The following ZNF202 variants were observed in gnomAD, a reference collection of about 807,000 sequenced individuals.
ZNF202 encodes the protein zinc finger protein with KRAB and SCAN domains 10.
A neutral mutation model predicts 54.5 loss-of-function variants in ZNF202; 22 were observed. The ratio of observed to expected loss-of-function variants is 0.40; its 90% CI spans 0.29 to 0.58. The LOEUF (loss-of-function observed/expected upper bound fraction) is 0.58. Among genes scored for constraint, ZNF202 ranks in the 20% least tolerant of loss-of-function variants. ZNF202 has a pLI of 0.39. For missense variants in ZNF202, 644 were observed against 805.5 expected (o/e 0.80, Z 2.43); for synonymous variants, 294 against 301.4 (o/e 0.98, Z 0.26).
chr11:123,729,944 G>A (rs1399034327), intron 4 of ZNF202, 119 bp from the exon 5 acceptor site: 14 of 1,050,300 alleles, frequency 1.3e-5, no homozygotes, highest in Middle Eastern at 2.7e-4. Context: ...CCCAGACAAG[G>A]AGGGGAAACT....
At chr11:123,732,312 T>C (rs1650035006) in intron 3 of ZNF202, among the ~76,000 whole-genome samples, 1 of 152,204 alleles carries the variant, frequency 6.6e-6, no homozygotes, top group African/African-American at 2.4e-5. Context: ...CCCGCTGTCT[T>C]GTTAAGTGAA....
chr11:123,739,699 T>C (rs1165253692), intron 3 of ZNF202, among the ~76,000 whole-genome samples: 2 of 152,180 alleles, frequency 1.3e-5, no homozygotes, highest in East Asian at 1.9e-4. Flanking sequence ...AGATTACTAG[T>C]TTCCAACACA....
chr11:123,726,696 C>G lies in ZNF202; in HGVS notation c.1248G>C (p.Leu416=). The change falls in exon 9 of 9, where the codon CTG becomes CTC. Residue 416 remains leucine, a synonymous_variant. Transcript: ENST00000530393. The surrounding 1 kb of genome is among the most constrained non-coding windows in gnomAD (Gnocchi z 6.0). The part of the protein sequence containing the change: ...FTCNSHLVRH[L]RTHTGEKPYK... ...AGGGTTTCTCTCCTGTGTGAGTCCT[C>G]AGGTGTCTAACAAGGTGGGAGTTAC... The G allele has an allele frequency of 6.2e-7, 1 of 1,614,220 alleles. No individual in the cohort carries two copies. Among genetic ancestry groups the G allele is most frequent in the Non-Finnish European group, 8.5e-7 (1 of 1,180,054 alleles).
chr11:123,740,319 C>G (rs1354783903), intron 2 of ZNF202, 98 bp downstream of exon 2: 1 of 152,266 alleles, frequency 6.6e-6, no homozygotes, highest in Admixed American at 6.5e-5. Flanking sequence ...CCCTGCCCAC[C>G]CTCTTATGCT....
At position 123,740,206 on chromosome 11, in the gene ZNF202, T is replaced by TATACACAG. The variant is rs939410152; in HGVS notation, c.-173-22_-173-15dup. 7.2e-5 allele frequency: 11 copies of TATACACAG among 152,202 alleles called. No individual in the cohort carries two copies. Among genetic ancestry groups the TATACACAG allele is most frequent in the African/African-American group, 2.4e-4 (10 of 41,448 alleles). The allele number at this position is 152,202 out of a possible 1,614,324, so 9.4% of individuals were successfully genotyped here. A position where few individuals can be genotyped will look rare whatever the true frequency, so the allele number is the denominator to read the frequency against. ...AATGATTGTCTACTGCAATATAGTA[T>TATACACAG]ATACACAGAGTACAAAAAGGGTATA... On this transcript the variant is annotated splice_polypyrimidine_tract_variant and intron_variant, in intron 2 of 8. Transcript: ENST00000530393.
chr11:123,732,940 T>C (rs1393868704), intron 3 of ZNF202, among the ~76,000 whole-genome samples: 2 of 152,164 alleles, frequency 1.3e-5, no homozygotes, highest in Non-Finnish European at 2.9e-5. Flanking sequence ...TGAGCCATTA[T>C]GACCCACTAG....
In ZNF202 at chr11:123,726,790, T is replaced by G; in HGVS notation, c.1154A>C (p.Glu385Ala). 1 of 1,614,224 alleles carries G rather than the reference T, an allele frequency of 6.2e-7. No homozygotes were observed. The highest frequency in any genetic ancestry group is 1.1e-5 in the South Asian group (1 of 91,080). ...SQVNSFVNLR[E>A]TTPVHPLLGR... Reference sequence around the variant, plus strand: ...TAACAGGGGGTGGACGGGTGTAGTTTCCCGAAGGTTCACAAAACTATTCAC... The same window carrying G: ...TAACAGGGGGTGGACGGGTGTAGTTGCCCGAAGGTTCACAAAACTATTCAC... The change falls in exon 9 of 9, where the codon GAA becomes GCA. Residue 385 changes from glutamate to alanine, a missense_variant. Glu to Ala is a moderately radical substitution (Grantham distance 107). Around this residue, in one of 3 missense-constraint regions of ZNF202, gnomAD observed 536 missense variants for 635.3 expected, o/e 0.84. Transcript: ENST00000530393. The surrounding 1 kb of genome is among the most constrained non-coding windows in gnomAD (Gnocchi z 6.0).
rs780363087 is a variant in ZNF202, at chr11:123,725,946, C to T, written c.*51G>A. On this transcript the variant is annotated 3_prime_UTR_variant, in exon 9 of 9. Transcript: ENST00000530393. ...TGACAAGAGGGCTTTTCCTCTTCCT[C>T]ACCTCCCTTAGGTGAGGGCTGAAAG... 1 of 1,547,004 alleles carries T rather than the reference C, an allele frequency of 6.5e-7. No individual in the cohort carries two copies. Among genetic ancestry groups the T allele is most frequent in the Non-Finnish European group, 8.7e-7 (1 of 1,148,862 alleles).
Position 123,726,271 on chromosome 11 carries a change from G to C in ZNF202, c.1673C>G (p.Thr558Arg). ...GAGGTAGAGTTCCTCAGCAGCGTGC[G>C]TCTTCCGGTGCGCCAGGTACCGCCT... ...EHRRYLAHRKTHAAEELYLCS... is the reference protein window; with the variant it reads ...EHRRYLAHRKRHAAEELYLCS... The change falls in exon 9 of 9, where the codon ACG becomes AGG. Residue 558 changes from threonine to arginine, a missense_variant. This residue lies in a region of ZNF202 where 536 missense variants were observed against 635.3 expected (regional missense o/e 0.84). Coordinates refer to ENST00000530393, the MANE Select transcript of ZNF202 (RefSeq NM_003455.4). This position sits in a 1 kb window ranked among gnomAD's most constrained non-coding sequence, Gnocchi z 6.0. 1 of 1,614,224 alleles carries C rather than the reference G, an allele frequency of 6.2e-7. No individual in the cohort carries two copies. The highest frequency in any genetic ancestry group is 1.3e-5 in the African/African-American group (1 of 75,056).
intron 3 of ZNF202, among the ~76,000 whole-genome samples, chr11:123,737,566 T>C (rs10893079): frequency 0.68 from 103,703 of 152,070 alleles, 35,553 homozygotes; most frequent in Middle Eastern, 0.82. Context: ...GTATCTTCTG[T>C]CTGGAAATGC....
chr11:123,733,594 G>C lies in ZNF202; in HGVS notation c.-97-2609C>G, dbSNP rs998886317. On this transcript the variant is annotated intron_variant, in intron 3 of 8. Transcript: ENST00000530393. ...TTTGCTTTTTTAAGACTCTCCCTCT[G>C]TTGCCCAGGCTGGAGTGCAGTAGTA... 2.0e-5 allele frequency among the ~76,000 whole-genome samples: 3 copies of C among 152,170 alleles called. No homozygotes were observed. The East Asian group carries it at 5.8e-4, about 29-fold the overall frequency.
At chr11:123,733,691 G>A (rs1861510072) in intron 3 of ZNF202, among the ~76,000 whole-genome samples, 2 of 152,166 alleles carry the variant, frequency 1.3e-5, no homozygotes, top group African/African-American at 4.8e-5. Flanking sequence ...CCAAAGCACT[G>A]TTACCAGAGG....
At chr11:123,739,793 G>A (rs1385304274) in intron 3 of ZNF202, among the ~76,000 whole-genome samples, 1 of 152,174 alleles carries the variant, frequency 6.6e-6, no homozygotes, top group African/African-American at 2.4e-5. Flanking sequence ...TGTTCTCAAA[G>A]TGAAGAACCC....
chr11:123,733,408 A>G (rs1861497709), intron 3 of ZNF202, among the ~76,000 whole-genome samples: 2 of 151,720 alleles, frequency 1.3e-5, no homozygotes, highest in Non-Finnish European at 2.9e-5. Context: ...TCTCTACCTC[A>G]TGGTGATTTA....
chr11:123,732,305 G>A (rs556991569), intron 3 of ZNF202, among the ~76,000 whole-genome samples: 9 of 152,116 alleles, frequency 5.9e-5, no homozygotes, highest in African/African-American at 2.2e-4. Context: ...ATCACTCCCC[G>A]CTGTCTTGTT....
At position 123,728,259 on chromosome 11, in the gene ZNF202, G is replaced by T; in HGVS notation, c.706C>A (p.Leu236Met). 1 of 1,608,144 alleles carries T rather than the reference G, an allele frequency of 6.2e-7. No homozygotes were observed. Among genetic ancestry groups the T allele is most frequent in the Non-Finnish European group, 8.5e-7 (1 of 1,176,812 alleles). The change falls in exon 7 of 9, where the codon CTG becomes ATG. Residue 236 changes from leucine (L) to methionine (M), a missense_variant. Physicochemically the swap from Leu to Met is conservative, Grantham distance 15. Coordinates refer to ENST00000530393, the MANE Select transcript of ZNF202 (RefSeq NM_003455.4). ...VALLTALSQG[L>M]VTFKDVAVCF... ...ACGGCCACATCCTTGAACGTTACCA[G>T]TCCCTGAAACCACATAAGGATTTCA... is the stretch of plus-strand genomic sequence containing the variant.
intron 1 of ZNF202, among the ~76,000 whole-genome samples, chr11:123,741,276 G>A (rs1189674096): frequency 6.6e-6 from 1 of 152,108 alleles, no homozygotes; most frequent in Non-Finnish European, 1.5e-5. Flanking sequence ...AGGAGGGGGC[G>A]GAGGGCGGTG....
chr11:123,729,838 C>A lies in ZNF202; in HGVS notation c.403-13G>T. 1 of 1,585,746 alleles carries A rather than the reference C, an allele frequency of 6.3e-7. No individual in the cohort carries two copies. On this transcript the variant is annotated splice_polypyrimidine_tract_variant and intron_variant, in intron 4 of 8. Coordinates refer to ENST00000530393, the MANE Select transcript of ZNF202 (RefSeq NM_003455.4). ...CATGGACAGTCACCTGGGAATAATT[C>A]CAACTTCCAGTCACCATGGAGTCAG...
intron 3 of ZNF202, among the ~76,000 whole-genome samples, chr11:123,732,435 A>C (rs948593510): frequency 6.6e-6 from 1 of 152,206 alleles, no homozygotes; most frequent in African/African-American, 2.4e-5. Flanking sequence ...TGCAAAGCAC[A>C]CAAGAGTCCC....
Sources: allele counts gnomAD v4.1 joint callset (sites outside exome capture counted in the v4.1 genomes callset), GRCh38; gene constraint gnomAD v4.1.1; regional missense constraint gnomAD v4.1.1; non-coding constraint Gnocchi (gnomAD v3.1); transcripts MANE v1.5; gene names NCBI Gene and HGNC (gene_info 2026-07-23, HGNC 2026-07-21).